Variants in PRKCB observed in about 807,000 individuals in gnomAD.
PRKCB encodes protein kinase C beta.
In PRKCB, 13 loss-of-function variants were observed where a neutral mutation model predicts 81.5. That is an observed-to-expected ratio of 0.16 (90% confidence interval 0.10 to 0.25). PRKCB has a LOEUF of 0.25. Among genes scored for constraint, PRKCB ranks in the 10% least tolerant of loss-of-function variants. PRKCB has a pLI of 1.00. For synonymous variants in PRKCB, 335 were observed against 321.4 expected, an observed-to-expected ratio of 1.04 and a Z score of -0.45; for missense variants, 509 against 875.7, an observed-to-expected ratio of 0.58 and a Z score of 5.29.
intron 1 of PRKCB, 29 bp downstream of exon 1, chr16:23,836,377 C>G: frequency 5.0e-6 from 8 of 1,590,858 alleles, no homozygotes; most frequent in Non-Finnish European, 6.8e-6. Flanking sequence ...GGCACCTTCC[C>G]GGGCCCCCGA....
At chr16:24,042,471 A>T (rs1055175099) in intron 5 of PRKCB, among the ~76,000 whole-genome samples, 1 of 152,220 alleles carries the variant, frequency 6.6e-6, no homozygotes, top group African/African-American at 2.4e-5. Context: ...AACTAAGTTG[A>T]AAGAATTTTA....
At chr16:24,192,937 G>A (rs952761140) in intron 16 of PRKCB, among the ~76,000 whole-genome samples, 1 of 152,042 alleles carries the variant, frequency 6.6e-6, no homozygotes, top group Non-Finnish European at 1.5e-5. Flanking sequence ...AGACCAGAGG[G>A]AGGTAGCATG....
chr16:24,106,436 C>T (rs1966579510), intron 7 of PRKCB, among the ~76,000 whole-genome samples: 2 of 151,944 alleles, frequency 1.3e-5, no homozygotes, highest in African/African-American at 2.4e-5. Context: ...CACTATTGAC[C>T]CTATAGAGAG....
intron 2 of PRKCB, among the ~76,000 whole-genome samples, chr16:23,923,472 C>T (rs1348000041): frequency 2.0e-5 from 3 of 152,078 alleles, no homozygotes; most frequent in Non-Finnish European, 4.4e-5. Flanking sequence ...TGCTGATTGA[C>T]CACCCTTATC....
intron 2 of PRKCB, among the ~76,000 whole-genome samples, chr16:23,960,857 C>A (rs899380858): frequency 1.3e-5 from 2 of 152,236 alleles, no homozygotes; most frequent in Non-Finnish European, 2.9e-5. Context: ...TGGGGTATCC[C>A]AAACTAAGAT....
intron 2 of PRKCB, among the ~76,000 whole-genome samples, chr16:23,948,863 A>G (rs1025214682): frequency 6.6e-6 from 1 of 152,168 alleles, no homozygotes; most frequent in African/African-American, 2.4e-5. Context: ...CTGGTTCCAA[A>G]GCACACATTC....
intron 7 of PRKCB, among the ~76,000 whole-genome samples, chr16:24,100,948 G>C (rs1363092995): frequency 6.6e-6 from 1 of 152,166 alleles, no homozygotes; most frequent in Non-Finnish European, 1.5e-5. Flanking sequence ...GTCAGTTCCT[G>C]GGTGAGGATC....
chr16:23,888,169 G>A (rs1164479327), intron 2 of PRKCB, among the ~76,000 whole-genome samples: 1 of 152,134 alleles, frequency 6.6e-6, no homozygotes, highest in East Asian at 1.9e-4. Flanking sequence ...CTCCCTGGTG[G>A]GCTGCTGTGT....
At chr16:24,049,568 G>A (rs982729303) in intron 5 of PRKCB, among the ~76,000 whole-genome samples, 5 of 149,542 alleles carry the variant, frequency 3.3e-5, no homozygotes, top group African/African-American at 1.2e-4. Flanking sequence ...GGACATGCAC[G>A]CTTAACCACT....
intron 9 of PRKCB, among the ~76,000 whole-genome samples, chr16:24,140,216 A>C (rs958831247): frequency 6.6e-6 from 1 of 152,168 alleles, no homozygotes; most frequent in African/African-American, 2.4e-5. Flanking sequence ...TTAAGAATAC[A>C]CTTTGGAAAA....
intron 5 of PRKCB, among the ~76,000 whole-genome samples, chr16:24,062,591 C>A (rs1965987079): frequency 6.6e-6 from 1 of 152,138 alleles, no homozygotes. Context: ...AAACTGAGAA[C>A]CAGAGAGGTT....
intron 2 of PRKCB, among the ~76,000 whole-genome samples, chr16:23,898,365 C>A (rs1963414217): frequency 6.6e-6 from 1 of 152,110 alleles, no homozygotes; most frequent in South Asian, 2.1e-4. Context: ...CCGCACTGGA[C>A]CCTGTCTAAT....
At chr16:24,062,653 A>G (rs1298900497) in intron 5 of PRKCB, among the ~76,000 whole-genome samples, 2 of 152,082 alleles carry the variant, frequency 1.3e-5, no homozygotes, top group East Asian at 1.9e-4. Context: ...TGGGTAACCA[A>G]TCCACTGGGG....
At chr16:24,112,694 T>C (rs1311208694) in intron 7 of PRKCB, among the ~76,000 whole-genome samples, 1 of 152,122 alleles carries the variant, frequency 6.6e-6, no homozygotes, top group Non-Finnish European at 1.5e-5. Flanking sequence ...TAAGTGTGTA[T>C]AGAGAGAGAG....
intron 9 of PRKCB, among the ~76,000 whole-genome samples, chr16:24,125,689 C>T (rs1050558408): frequency 4.6e-5 from 7 of 152,172 alleles, no homozygotes; most frequent in East Asian, 1.9e-4. Context: ...TCTTCTCCGT[C>T]GTGGTCGCCA....
intron 9 of PRKCB, among the ~76,000 whole-genome samples, chr16:24,129,524 T>C (rs1596561271): frequency 1.1e-5 from 1 of 88,698 alleles, no homozygotes; most frequent in Non-Finnish European, 2.5e-5. Context: ...CACGTGCATC[T>C]ATCTATCTAT....
At position 24,118,933 on chromosome 16, in the gene PRKCB, G is replaced by A. The variant is rs184013416; in HGVS notation, c.919-4902G>A. ...TCACTGAGTAGGGGCCACAAACCCA[G>A]GTGTTTTCAGGAGCCAGGCAAACAA... On this transcript the variant is annotated intron_variant, in intron 8 of 16. Transcript: ENST00000643927. Among the ~76,000 whole-genome samples the A allele has an allele frequency of 1.8e-4, 28 of 152,196 alleles. 1 individual carries two copies. Among genetic ancestry groups the A allele is most frequent in the Admixed American group, 1.8e-3 (28 of 15,286 alleles).
chr16:24,029,758 T>C (rs963251048), intron 3 of PRKCB, among the ~76,000 whole-genome samples: 2 of 152,192 alleles, frequency 1.3e-5, no homozygotes, highest in African/African-American at 4.8e-5. Flanking sequence ...AAAGGAGGCA[T>C]CTGTGGCAGC....
At chr16:23,939,270 A>T (rs1964106707) in intron 2 of PRKCB, among the ~76,000 whole-genome samples, 1 of 152,228 alleles carries the variant, frequency 6.6e-6, no homozygotes, top group Non-Finnish European at 1.5e-5. Flanking sequence ...TGTGTTCATG[A>T]ATTGAAAGAC....
Sources: gnomAD v4.1 joint callset for allele counts (sites outside exome capture counted in the v4.1 genomes callset) on GRCh38, gnomAD v4.1.1 for gene constraint, MANE v1.5 for transcripts, NCBI Gene and HGNC (gene_info 2026-07-23, HGNC 2026-07-21) for gene names.